The following KDM4C variants were observed in gnomAD, a reference collection of about 807,000 sequenced individuals.
KDM4C encodes the protein lysine demethylase 4C, also known as lysine-specific demethylase 4C.
In KDM4C, 81 loss-of-function variants were observed where a neutral mutation model predicts 129.3. The observed-to-expected ratio is 0.63, with a 90% CI of 0.52 to 0.75. The LOEUF is 0.75. Among genes scored for constraint, KDM4C ranks in the 30% least tolerant of loss-of-function variants. KDM4C has a pLI of 0.00. For synonymous variants in KDM4C, 573 were observed against 456.1 expected (o/e 1.26, Z -3.26); for missense variants, 1,457 against 1,304.0 (o/e 1.12, Z -1.81).
chr9:6,868,084 A>G (rs898014237), intron 5 of KDM4C, among the ~76,000 whole-genome samples: 8 of 152,154 alleles, frequency 5.3e-5, no homozygotes, highest in African/African-American at 1.9e-4. Flanking sequence ...GATATGGATG[A>G]AATGTGTGGT....
At chr9:7,128,419 GCC>G (rs1320314128) in intron 19 of KDM4C, among the ~76,000 whole-genome samples, 183 bp downstream of exon 19, 3,453 of 151,628 alleles carry the variant, frequency 0.023, 111 homozygotes, top group African/African-American at 0.079. Flanking sequence ...TCTTTTTTTG[GCC>G]AAACGTTATT....
intron 2 of KDM4C, among the ~76,000 whole-genome samples, chr9:6,801,050 T>C (rs1458122932): frequency 6.6e-6 from 1 of 152,108 alleles, no homozygotes. Context: ...TTTTTTGAGC[T>C]AACAACTCTC....
At position 7,174,724 on chromosome 9, in the gene KDM4C, C is replaced by T. The variant is rs1845291271; in HGVS notation, c.3166C>T (p.Gln1056Ter). ...TTTCCAGAAGAAGTGCCAGAAGAGA[C>T]AGTAGTCTGCATACATCGCTGCAGG... Reference protein sequence around the residue: ...SSFQKKCQKRQ With the variant: ...SSFQKKCQKR The change falls in exon 22 of 22, where the codon CAG becomes TAG. Residue 1056 changes from glutamine (Q) to a stop codon, truncating the protein, a stop_gained. Coordinates refer to ENST00000381309, the MANE Select transcript of KDM4C (RefSeq NM_015061.6). LOFTEE classifies it high-confidence loss of function. The T allele has an allele frequency of 3.1e-6, 5 of 1,613,898 alleles. No individual in the cohort carries two copies. The East Asian group carries it at 1.1e-4, about 36-fold the overall frequency.
At chr9:6,791,321 C>CG (rs1826567135) in intron 1 of KDM4C, among the ~76,000 whole-genome samples, 1 of 152,110 alleles carries the variant, frequency 6.6e-6, no homozygotes, top group Non-Finnish European at 1.5e-5. Flanking sequence ...CCGTGTTGCC[C>CG]GGGGTGGTCT....
intron 8 of KDM4C, among the ~76,000 whole-genome samples, chr9:6,932,526 A>ATAGCAG (rs1823941756): frequency 6.6e-6 from 1 of 152,228 alleles, no homozygotes; most frequent in African/African-American, 2.4e-5. Context: ...TGAAGCAATC[A>ATAGCAG]TAGCAGTAGC....
intron 18 of KDM4C, among the ~76,000 whole-genome samples, chr9:7,105,730 C>A (rs1417772557): frequency 6.6e-6 from 1 of 152,080 alleles, no homozygotes; most frequent in Non-Finnish European, 1.5e-5. Flanking sequence ...ATTCCAAAGC[C>A]CTGTGGTTAC....
chr9:6,823,227 A>G (rs372189706), intron 4 of KDM4C, among the ~76,000 whole-genome samples: 43 of 152,060 alleles, frequency 2.8e-4, no homozygotes, highest in African/African-American at 8.5e-4. Flanking sequence ...TCTATTCTCC[A>G]TCGTGCTGGC....
intron 1 of KDM4C, among the ~76,000 whole-genome samples, chr9:6,791,774 GCA>G (rs1249411863): frequency 6.6e-6 from 1 of 152,162 alleles, no homozygotes; most frequent in Non-Finnish European, 1.5e-5. Flanking sequence ...TGTAATCCCA[GCA>G]CTTTGGGAGG....
At chr9:6,973,691 A>G (rs749077161) in intron 8 of KDM4C, 1 of 152,194 alleles carries the variant, frequency 6.6e-6, no homozygotes, top group African/African-American at 2.4e-5. Flanking sequence ...TGGGAATTTT[A>G]TTATGCATGC....
At chr9:6,908,102 T>C (rs1383933030) in intron 8 of KDM4C, among the ~76,000 whole-genome samples, 1 of 152,202 alleles carries the variant, frequency 6.6e-6, no homozygotes, top group South Asian at 2.1e-4. Context: ...TGTTTTATAT[T>C]GAAGAGAAGA....
intron 12 of KDM4C, among the ~76,000 whole-genome samples, chr9:6,993,819 G>C (rs1397690167): frequency 6.6e-6 from 1 of 152,166 alleles, no homozygotes; most frequent in African/African-American, 2.4e-5. Context: ...CAGGTTTCCT[G>C]GAATTGTAAA....
At chr9:6,972,379 C>T (rs945367043) in intron 8 of KDM4C, among the ~76,000 whole-genome samples, 3 of 151,920 alleles carry the variant, frequency 2.0e-5, no homozygotes, top group Admixed American at 6.6e-5. Flanking sequence ...TATTTTCTCC[C>T]ATAAAATCAG....
intron 4 of KDM4C, among the ~76,000 whole-genome samples, chr9:6,819,901 TGG>T (rs1355381735): frequency 3.0e-4 from 45 of 152,354 alleles, no homozygotes; most frequent in African/African-American, 1.1e-3. Context: ...TCGTGGTTCA[TGG>T]CATTATTTTG....
At chr9:6,998,950 C>T (rs1168166658) in intron 12 of KDM4C, among the ~76,000 whole-genome samples, 7 of 152,042 alleles carry the variant, frequency 4.6e-5, no homozygotes, top group South Asian at 2.1e-4. Context: ...TTTCTGGCAT[C>T]GCCTGGGATT....
At chr9:7,127,056 G>T (rs1219846322) in intron 18 of KDM4C, among the ~76,000 whole-genome samples, 1 of 152,106 alleles carries the variant, frequency 6.6e-6, no homozygotes, top group Non-Finnish European at 1.5e-5. Flanking sequence ...TTGATGGATG[G>T]ATGGTTGGAT....
intron 4 of KDM4C, among the ~76,000 whole-genome samples, chr9:6,830,647 A>G (rs796671740): frequency 5.9e-5 from 9 of 152,348 alleles, no homozygotes; most frequent in African/African-American, 1.7e-4. Flanking sequence ...TAGGAGAATT[A>G]TTGTTAGTTT....
chr9:6,928,509 C>T (rs1347801779), intron 8 of KDM4C, among the ~76,000 whole-genome samples: 8 of 152,126 alleles, frequency 5.3e-5, no homozygotes, highest in Admixed American at 2.0e-4. Context: ...CCTACTTCCT[C>T]GTGGTTTCAC....
chr9:7,147,242 A>G (rs1346690776), intron 19 of KDM4C, among the ~76,000 whole-genome samples: 1 of 152,222 alleles, frequency 6.6e-6, no homozygotes, highest in Non-Finnish European at 1.5e-5. Context: ...TGGAAGCAGT[A>G]CATGCATCAC....
chr9:7,111,696 C>G (rs1838336352), intron 18 of KDM4C, among the ~76,000 whole-genome samples: 1 of 152,054 alleles, frequency 6.6e-6, no homozygotes, highest in Non-Finnish European at 1.5e-5. Flanking sequence ...TAAGACATGT[C>G]AGGTTTACGG....
Sources: gnomAD v4.1 joint callset for allele counts (sites outside exome capture counted in the v4.1 genomes callset) on GRCh38, gnomAD v4.1.1 for gene constraint, MANE v1.5 for transcripts, NCBI Gene and HGNC (gene_info 2026-07-23, HGNC 2026-07-21) for gene names.